The following PTCHD4 variants were observed in gnomAD, a reference collection of about 807,000 sequenced individuals.
PTCHD4 encodes the protein patched domain-containing protein 4.
A neutral mutation model predicts 58.1 loss-of-function variants in PTCHD4; 33 were observed. The ratio of observed to expected loss-of-function variants is 0.57; its 90% confidence interval spans 0.43 to 0.76. The LOEUF is 0.76. Among genes scored for constraint, PTCHD4 ranks in the 30% least tolerant of loss-of-function variants. PTCHD4 has a pLI of 0.00. For synonymous variants in PTCHD4, 478 were observed against 409.6 expected, an observed-to-expected ratio of 1.17 and a Z score of -2.02; for missense variants, 1,058 against 1,027.1, an observed-to-expected ratio of 1.03 and a Z score of -0.41.
intron 3 of PTCHD4, among the ~76,000 whole-genome samples, chr6:48,023,882 A>G (rs936218969): frequency 5.9e-5 from 9 of 152,216 alleles, no homozygotes; most frequent in African/African-American, 1.7e-4. Context: ...GCTAGGGGTC[A>G]TATGACCTGG....
intron 1 of PTCHD4, among the ~76,000 whole-genome samples, chr6:48,070,679 A>G (rs560873875): frequency 2.6e-4 from 39 of 152,320 alleles, no homozygotes; most frequent in Non-Finnish European, 4.7e-4. Flanking sequence ...AGCCCATTCT[A>G]TTGTTACACT....
Position 47,868,968 on chromosome 6 carries a change from T to C in PTCHD4, c.*9335A>G, listed in dbSNP as rs758623498. ...TTAAGAAAACATACGGCAAACTATATAAAATGAAATATTACTAAGACTTCT... is the reference window on the plus strand; with the variant it reads ...TTAAGAAAACATACGGCAAACTATACAAAATGAAATATTACTAAGACTTCT... On this transcript the variant is annotated 3_prime_UTR_variant, in exon 5 of 5. Transcript: ENST00000339488. Among the ~76,000 whole-genome samples, 1 of 151,686 alleles carries C rather than the reference T, an allele frequency of 6.6e-6. No individual in the cohort carries two copies. Among genetic ancestry groups the C allele is most frequent in the African/African-American group, 2.4e-5 (1 of 41,382 alleles).
rs778477989 is a variant in PTCHD4 at position 47,902,911 on chromosome 6, C to T, written c.899-22975G>A. ...TTGTCTTGGAGCTCTCTAAAAAGAG[C>T]GCTTTTGGCATTATGATGACCCGAG... On this transcript the variant is annotated intron_variant, in intron 4 of 4. Coordinates refer to ENST00000339488, the MANE Select transcript of PTCHD4 (RefSeq NM_001384253.1). Among the ~76,000 whole-genome samples the T allele has an allele frequency of 4.6e-5, 7 of 152,262 alleles. No homozygotes were observed. In the South Asian group the frequency reaches 6.2e-4, roughly 14 times the overall value.
In PTCHD4 at chr6:47,871,995, G is replaced by C. The variant is rs1763724766; in HGVS notation, c.*6308C>G. On this transcript the variant is annotated 3_prime_UTR_variant, in exon 5 of 5. Coordinates refer to ENST00000339488, the MANE Select transcript of PTCHD4 (RefSeq NM_001384253.1). ...TACTTGAAAATAGATGCTACAGACTGTACCAGGAGATGCAAGAATATGACG... is the reference window on the plus strand; with the variant it reads ...TACTTGAAAATAGATGCTACAGACTCTACCAGGAGATGCAAGAATATGACG... Among the ~76,000 whole-genome samples the C allele has an allele frequency of 6.6e-6, 1 of 150,726 alleles. No homozygotes were observed. Among genetic ancestry groups the C allele is most frequent in the African/African-American group, 2.4e-5 (1 of 41,130 alleles).
chr6:47,912,948 G>A (rs1284000797), intron 4 of PTCHD4, among the ~76,000 whole-genome samples: 1 of 152,026 alleles, frequency 6.6e-6, no homozygotes, highest in Non-Finnish European at 1.5e-5. Flanking sequence ...TTCCCCATGT[G>A]ATTGCTCAAG....
chr6:48,016,213 G>A (rs749322799), intron 3 of PTCHD4, among the ~76,000 whole-genome samples: 5 of 151,948 alleles, frequency 3.3e-5, no homozygotes, highest in Non-Finnish European at 5.9e-5. Context: ...AAAAGCCAGC[G>A]TAAGATGCTC....
intron 3 of PTCHD4, among the ~76,000 whole-genome samples, chr6:48,016,849 T>C (rs2114101928): frequency 6.6e-6 from 1 of 152,302 alleles, no homozygotes; most frequent in African/African-American, 2.4e-5. Context: ...TTGATGATGG[T>C]TTGAAACTAT....
intron 3 of PTCHD4, among the ~76,000 whole-genome samples, chr6:48,050,050 C>T (rs916064452): frequency 1.3e-5 from 2 of 151,750 alleles, no homozygotes; most frequent in African/African-American, 4.8e-5. Context: ...ATCAACATGG[C>T]TTATTAAGAA....
chr6:48,059,137 C>A (rs1374930714), intron 3 of PTCHD4, among the ~76,000 whole-genome samples: 1 of 152,180 alleles, frequency 6.6e-6, no homozygotes, highest in East Asian at 1.9e-4. Flanking sequence ...GAGTGTGGAT[C>A]ATGTACCAGC....
intron 4 of PTCHD4, among the ~76,000 whole-genome samples, chr6:47,914,150 G>A (rs1765156091): frequency 6.6e-6 from 1 of 152,096 alleles, no homozygotes; most frequent in Admixed American, 6.6e-5. Context: ...ATATCTGTAT[G>A]GATGATAGAA....
intron 4 of PTCHD4, among the ~76,000 whole-genome samples, chr6:47,913,449 T>C (rs1291963204): frequency 1.3e-5 from 2 of 152,142 alleles, no homozygotes; most frequent in Non-Finnish European, 2.9e-5. Context: ...TTCTCTTTTA[T>C]GTCATAATTT....
chr6:48,028,076 A>G (rs1672069307), intron 3 of PTCHD4, among the ~76,000 whole-genome samples: 3 of 151,970 alleles, frequency 2.0e-5, no homozygotes, highest in South Asian at 4.2e-4. Flanking sequence ...CCAGTAGCTG[A>G]GATTACAGAT....
At chr6:48,070,734 A>G (rs1764962002) in intron 1 of PTCHD4, among the ~76,000 whole-genome samples, 2 of 152,302 alleles carry the variant, frequency 1.3e-5, no homozygotes, top group South Asian at 2.1e-4. Context: ...TGCCACATTC[A>G]TAGACTAGTC....
At chr6:47,999,826 A>G (rs906165015) in intron 4 of PTCHD4, among the ~76,000 whole-genome samples, 1 of 152,212 alleles carries the variant, frequency 6.6e-6, no homozygotes, top group African/African-American at 2.4e-5. Flanking sequence ...TATCTGACCC[A>G]GAAAGAACCA....
chr6:47,913,089 T>C (rs1765120979), intron 4 of PTCHD4, among the ~76,000 whole-genome samples: 1 of 152,094 alleles, frequency 6.6e-6, no homozygotes, highest in Admixed American at 6.6e-5. Flanking sequence ...GTTTCTGTCA[T>C]TCTGTTTGGA....
At chr6:48,017,803 C>T (rs536934294) in intron 3 of PTCHD4, among the ~76,000 whole-genome samples, 2 of 152,230 alleles carry the variant, frequency 1.3e-5, no homozygotes, top group South Asian at 2.1e-4. Context: ...CACAACTGCC[C>T]ATATATTTGA....
chr6:47,999,536 C>T (rs1431883456), intron 4 of PTCHD4, among the ~76,000 whole-genome samples: 1 of 152,108 alleles, frequency 6.6e-6, no homozygotes, highest in Non-Finnish European at 1.5e-5. Flanking sequence ...GTAAAGTAAT[C>T]ATTATAAAGA....
At chr6:48,087,982 A>T (rs1276556586) in intron 1 of PTCHD4, among the ~76,000 whole-genome samples, 1 of 152,210 alleles carries the variant, frequency 6.6e-6, no homozygotes, top group Non-Finnish European at 1.5e-5. Context: ...TATTAATGTT[A>T]TTTAAAAATA....
chr6:48,029,106 A>G (rs751301713), intron 3 of PTCHD4, among the ~76,000 whole-genome samples: 2 of 152,114 alleles, frequency 1.3e-5, no homozygotes, highest in Non-Finnish European at 2.9e-5. Context: ...ACTATCAATC[A>G]TAATTCCGGT....
Sources: allele counts gnomAD v4.1 joint callset (sites outside exome capture counted in the v4.1 genomes callset), GRCh38; gene constraint gnomAD v4.1.1; transcripts MANE v1.5; gene names NCBI Gene and HGNC (gene_info 2026-07-23, HGNC 2026-07-21).